The following ZNF22 variants were observed in gnomAD, a reference collection of about 807,000 sequenced individuals.
ZNF22 encodes the protein krox-26 protein.
In ZNF22, 15 loss-of-function variants were observed where a neutral mutation model predicts 17.0. The observed-to-expected ratio is 0.88, with a 90% confidence interval of 0.59 to 1.36. The LOEUF (loss-of-function observed/expected upper bound fraction) is 1.36, where lower values mean the gene tolerates loss of function less well. ZNF22 is among the 40% of genes most tolerant of loss of function. ZNF22 has a pLI of 0.00. For synonymous variants in ZNF22, 84 were observed against 90.7 expected, an observed-to-expected ratio of 0.93 and a Z score of 0.42; for missense variants, 272 against 276.1, an observed-to-expected ratio of 0.98 and a Z score of 0.11.
intron 1 of ZNF22, 88 bp from the exon 2 acceptor site, chr10:45,003,192 G>A (rs1347332536): frequency 1.6e-5 from 8 of 509,406 alleles, no homozygotes; most frequent in Non-Finnish European, 2.6e-5. Context: ...ATTTTGGTGG[G>A]TTGAAGAGAT....
At position 45,003,973 on chromosome 10, in the gene ZNF22, T is replaced by C. The variant is rs1364505859; in HGVS notation, c.605T>C (p.Ile202Thr). ...CCTCGTAAAACCCGGGGCAAAAATA[T>C]CAGGGTGAAGACTCACTTACCCTCT... ...EKPRKTRGKNIRVKTHLPSWK... is the reference protein window; with the variant it reads ...EKPRKTRGKNTRVKTHLPSWK... The change falls in exon 2 of 2, where the codon ATC becomes ACC. Residue 202 changes from isoleucine to threonine, a missense_variant. Coordinates refer to ENST00000298299, the MANE Select transcript of ZNF22 (RefSeq NM_006963.5). 4 of 1,613,970 alleles carry C rather than the reference T, an allele frequency of 2.5e-6. No homozygotes were observed. Among genetic ancestry groups the C allele is most frequent in the Non-Finnish European group, 3.4e-6 (4 of 1,180,032 alleles).
At position 45,004,869 on chromosome 10, in the gene ZNF22, T is replaced by A. The variant is rs1447097940; in HGVS notation, c.*826T>A. The A allele has an allele frequency of 6.0e-6, 1 of 167,130 alleles. No individual in the cohort carries two copies. The highest frequency in any genetic ancestry group is 1.5e-5 in the Non-Finnish European group (1 of 68,130). 10.4% of individuals were successfully genotyped at this position (167,130 alleles called of 1,614,324 possible). A position where few individuals can be genotyped will look rare whatever the true frequency, so the allele number is the denominator to read the frequency against. ...ATACATCCCCATGCCCTTGACCTCT[T>A]CTGGCATTCTCCTGTGCTCTGACAA... is the stretch of plus-strand genomic sequence containing the variant. On this transcript the variant is annotated 3_prime_UTR_variant, in exon 2 of 2. Transcript: ENST00000298299.
Position 45,005,271 on chromosome 10 carries a change from T to G in ZNF22, c.*1228T>G, listed in dbSNP as rs2132823987. ...TATCTTTTATAATCATATCGGTTTC[T>G]GCTGTATTAATGACAATTATTCATG... is the stretch of plus-strand genomic sequence containing the variant. On this transcript the variant is annotated 3_prime_UTR_variant, in exon 2 of 2. Coordinates refer to ENST00000298299, the MANE Select transcript of ZNF22 (RefSeq NM_006963.5). 6.1e-6 allele frequency: 1 copy of G among 164,128 alleles called. No individual in the cohort carries two copies. Among genetic ancestry groups the G allele is most frequent in the East Asian group, 1.9e-4 (1 of 5,198 alleles). 10.2% of individuals were successfully genotyped at this position (164,128 alleles called of 1,614,324 possible).
In ZNF22 at chr10:45,003,300, T is replaced by G; in HGVS notation, c.-69T>G. Reference sequence around the variant, plus strand: ...CACAGAAAATTCTGAGCTGTACACCTCTAGGAAATGAAACACTAGTTCAGA... The same window carrying G: ...CACAGAAAATTCTGAGCTGTACACCGCTAGGAAATGAAACACTAGTTCAGA... On this transcript the variant is annotated 5_prime_UTR_variant, in exon 2 of 2. Coordinates refer to ENST00000298299, the MANE Select transcript of ZNF22 (RefSeq NM_006963.5). The G allele has an allele frequency of 6.8e-7, 1 of 1,470,666 alleles. No homozygotes were observed. The highest frequency in any genetic ancestry group is 9.1e-7 in the Non-Finnish European group (1 of 1,094,846). The allele number at this position is 1,470,666 out of a possible 1,614,324, so 91.1% of individuals were successfully genotyped here. A position where few individuals can be genotyped will look rare whatever the true frequency, so the allele number is the denominator to read the frequency against.
At chr10:45,001,707 A>G (rs965172815) in intron 1 of ZNF22, among the ~76,000 whole-genome samples, 1 of 152,206 alleles carries the variant, frequency 6.6e-6, no homozygotes, top group Non-Finnish European at 1.5e-5. Context: ...AAATAACTGC[A>G]TAAAGGTGCC....
At position 45,000,968 on chromosome 10, in the gene ZNF22, G is replaced by T. The variant is rs1041660180; in HGVS notation, c.-100G>T. On this transcript the variant is annotated 5_prime_UTR_variant, in exon 1 of 2. Coordinates refer to ENST00000298299, the MANE Select transcript of ZNF22 (RefSeq NM_006963.5). ...CGCCCAGCGAGCCAGAGTGGTGGCTGGTCCCGCGCGGTGAGTGGGATTGGG... is the reference window on the plus strand; with the variant it reads ...CGCCCAGCGAGCCAGAGTGGTGGCTTGTCCCGCGCGGTGAGTGGGATTGGG... 3 of 842,446 alleles carry T rather than the reference G, an allele frequency of 3.6e-6. No individual in the cohort carries two copies. The highest frequency in any genetic ancestry group is 4.6e-6 in the Non-Finnish European group (3 of 645,786). 52.2% of individuals were successfully genotyped at this position (842,446 alleles called of 1,614,324 possible).
chr10:45,001,904 C>T (rs913117324), intron 1 of ZNF22, among the ~76,000 whole-genome samples: 1 of 150,734 alleles, frequency 6.6e-6, no homozygotes, highest in Non-Finnish European at 1.5e-5. Flanking sequence ...AAAAGCAACA[C>T]CAACACCATG....
chr10:45,004,254 A>T lies in ZNF22; in HGVS notation c.*211A>T. The T allele has an allele frequency of 2.0e-6, 1 of 506,854 alleles. No homozygotes were observed. Among genetic ancestry groups the T allele is most frequent in the Non-Finnish European group, 3.5e-6 (1 of 289,822 alleles). 31.4% of individuals were successfully genotyped at this position (506,854 alleles called of 1,614,324 possible). ...GCTACCCTCATTTCTTTTTTATGTG[A>T]CATGGAGCACAAAGAACTGAAAATA... On this transcript the variant is annotated 3_prime_UTR_variant, in exon 2 of 2. Transcript: ENST00000298299.
intron 1 of ZNF22, 49 bp from the exon 2 acceptor site, chr10:45,003,231 G>A (rs1481426731): frequency 1.4e-6 from 1 of 693,066 alleles, no homozygotes; most frequent in African/African-American, 1.8e-5. Context: ...ACAGATATCT[G>A]TAATTTTTTT....
At position 45,001,004 on chromosome 10, in the gene ZNF22, C is replaced by T. The variant is rs1175652483; in HGVS notation, c.-90+26C>T. On this transcript the variant is annotated intron_variant, in intron 1 of 1. Coordinates refer to ENST00000298299, the MANE Select transcript of ZNF22 (RefSeq NM_006963.5). Reference sequence around the variant, plus strand: ...GTGAGTGGGATTGGGGCACTTGGGGCGCTCGGGGCCTGCGTCGGATACTCG... The same window carrying T: ...GTGAGTGGGATTGGGGCACTTGGGGTGCTCGGGGCCTGCGTCGGATACTCG... 1.0e-5 allele frequency: 4 copies of T among 398,166 alleles called. No individual in the cohort carries two copies. In the East Asian group the frequency reaches 4.6e-4, roughly 46 times the overall value. 24.7% of individuals were successfully genotyped at this position (398,166 alleles called of 1,614,324 possible).
In ZNF22 at chr10:45,003,680, C is replaced by G. The variant is rs1339796676; in HGVS notation, c.312C>G (p.Ile104Met). 4 of 1,614,080 alleles carry G rather than the reference C, an allele frequency of 2.5e-6. No individual in the cohort carries two copies. The African/African-American group carries it at 5.3e-5, about 22-fold the overall frequency. ...CTAATCTCATTCAGCATCGACGGAT[C>G]CATACGGGGGAAAAGCCCTACAAAT... ...QSSNLIQHRR[I>M]HTGEKPYKCD... The change falls in exon 2 of 2, where the codon ATC (isoleucine) becomes ATG (methionine). Residue 104 changes from isoleucine (I) to methionine (M), a missense_variant. Ile to Met is a conservative substitution (Grantham distance 10, BLOSUM62 1). Coordinates refer to ENST00000298299, the MANE Select transcript of ZNF22 (RefSeq NM_006963.5).
chr10:45,003,726 T>G lies in ZNF22; in HGVS notation c.358T>G (p.Phe120Val). The change falls in exon 2 of 2, where the codon TTC becomes GTC. Residue 120 changes from phenylalanine to valine, a missense_variant. Transcript: ENST00000298299. ...CAAATGTGATGAGTGTGGAGAAAGC[T>G]TCAAACAGAGCTCAAATCTCATTCA... ...PYKCDECGES[F>V]KQSSNLIQHQ... The G allele has an allele frequency of 1.2e-6, 2 of 1,614,160 alleles. No homozygotes were observed. Among genetic ancestry groups the G allele is most frequent in the South Asian group, 2.2e-5 (2 of 91,084 alleles).
Position 45,003,578 on chromosome 10 carries a change from T to G in ZNF22, c.210T>G (p.Leu70=). 1 of 1,614,162 alleles carries G rather than the reference T, an allele frequency of 6.2e-7. No homozygotes were observed. The highest frequency in any genetic ancestry group is 8.5e-7 in the Non-Finnish European group (1 of 1,180,000). The change falls in exon 2 of 2, where the codon CTT becomes CTG. Residue 70 remains leucine (L), a synonymous_variant. Transcript: ENST00000298299. ...CEKSFSQSST[L]FQHQKIHTGK... is the part of the protein sequence containing the mutation. Reference sequence around the variant, plus strand: ...AGAGTTTCAGTCAGAGTTCAACTCTTTTTCAACACCAGAAGATCCATACTG... The same window carrying G: ...AGAGTTTCAGTCAGAGTTCAACTCTGTTTCAACACCAGAAGATCCATACTG...
chr10:45,004,095 T>C lies in ZNF22; in HGVS notation c.*52T>C, dbSNP rs1842355340. The C allele has an allele frequency of 6.6e-7, 1 of 1,511,574 alleles. No homozygotes were observed. Among genetic ancestry groups the C allele is most frequent in the Non-Finnish European group, 8.9e-7 (1 of 1,128,364 alleles). The allele number at this position is 1,511,574 out of a possible 1,614,324, so 93.6% of individuals were successfully genotyped here. A position where few individuals can be genotyped will look rare whatever the true frequency, so the allele number is the denominator to read the frequency against. Reference sequence around the variant, plus strand: ...AGACCTCTTAAGAAAAAATAAAAAGTAAAAAATGAAAGGAATCTTTTTTAG... The same window carrying C: ...AGACCTCTTAAGAAAAAATAAAAAGCAAAAAATGAAAGGAATCTTTTTTAG... On this transcript the variant is annotated 3_prime_UTR_variant, in exon 2 of 2. Transcript: ENST00000298299.
chr10:45,000,963 T>G lies in ZNF22; in HGVS notation c.-105T>G. 4 of 909,112 alleles carry G rather than the reference T, an allele frequency of 4.4e-6. No homozygotes were observed. The highest frequency in any genetic ancestry group is 5.7e-6 in the Non-Finnish European group (4 of 702,620). 56.3% of individuals were successfully genotyped at this position (909,112 alleles called of 1,614,324 possible). ...GGAGGCGCCCAGCGAGCCAGAGTGG[T>G]GGCTGGTCCCGCGCGGTGAGTGGGA... On this transcript the variant is annotated 5_prime_UTR_variant, in exon 1 of 2. Coordinates refer to ENST00000298299, the MANE Select transcript of ZNF22 (RefSeq NM_006963.5).
chr10:45,002,503 A>C (rs1842342017), intron 1 of ZNF22: 1 of 152,000 alleles, frequency 6.6e-6, no homozygotes, highest in Admixed American at 6.5e-5. Flanking sequence ...GTTTCATTCC[A>C]CTTTCTGGTA....
At chr10:45,002,005 T>C (rs1842337700) in intron 1 of ZNF22, among the ~76,000 whole-genome samples, 1 of 152,234 alleles carries the variant, frequency 6.6e-6, no homozygotes, top group Non-Finnish European at 1.5e-5. Flanking sequence ...TCTTGTGTTA[T>C]ATGCGGCTTA....
chr10:45,003,672 C>G lies in ZNF22; in HGVS notation c.304C>G (p.Arg102Gly), dbSNP rs374064399. Residue 102 changes from arginine to glycine, a missense_variant, in exon 2 of 2, where the codon CGA becomes GGA. By Grantham distance (125) the Arg-to-Gly change is moderately radical. Transcript: ENST00000298299. ...FFQSSNLIQH[R>G]RIHTGEKPYK... Reference sequence around the variant, plus strand: ...TCAGAGTTCTAATCTCATTCAGCATCGACGGATCCATACGGGGGAAAAGCC... The same window carrying G: ...TCAGAGTTCTAATCTCATTCAGCATGGACGGATCCATACGGGGGAAAAGCC... 6 of 1,614,064 alleles carry G rather than the reference C, an allele frequency of 3.7e-6. No individual in the cohort carries two copies. Among genetic ancestry groups the G allele is most frequent in the Non-Finnish European group, 5.1e-6 (6 of 1,180,042 alleles).
At chr10:45,003,151 T>G in intron 1 of ZNF22, 129 bp from the exon 2 acceptor site, 4 of 409,582 alleles carry the variant, frequency 9.8e-6, no homozygotes, top group East Asian at 7.4e-5. Flanking sequence ...TTTGTTTGCA[T>G]TTATACTTTT....
Sources: allele counts gnomAD v4.1 joint callset (sites outside exome capture counted in the v4.1 genomes callset), GRCh38; gene constraint gnomAD v4.1.1; transcripts MANE v1.5; gene names NCBI Gene and HGNC (gene_info 2026-07-23, HGNC 2026-07-21).